LRMDA: variants seen among roughly 807,000 people sequenced by gnomAD.
The protein encoded by LRMDA is leucine rich melanocyte differentiation associated.
In LRMDA, 18 loss-of-function variants were observed where a neutral mutation model predicts 29.8. The observed-to-expected ratio is 0.60, with a 90% CI of 0.42 to 0.90. LRMDA has a LOEUF of 0.90. LRMDA is among the 40% of genes least tolerant of loss of function. LRMDA has a pLI of 0.00. For synonymous variants in LRMDA, 125 were observed against 109.4 expected (o/e 1.14, Z -0.89); for missense variants, 273 against 273.9 (o/e 1.00, Z 0.02).
At chr10:76,536,140 AATACTTCGGC>A (rs1341885123) in intron 6 of LRMDA, among the ~76,000 whole-genome samples, 1 of 152,114 alleles carries the variant, frequency 6.6e-6, no homozygotes, top group African/African-American at 2.4e-5. Context: ...TTCATCCCTC[AATACTTCGGC>A]ATGGGTCTCC....
At chr10:75,633,863 T>C (rs1479870141) in intron 2 of LRMDA, among the ~76,000 whole-genome samples, 2 of 152,164 alleles carry the variant, frequency 1.3e-5, no homozygotes, top group Non-Finnish European at 2.9e-5. Flanking sequence ...GGAATATGGG[T>C]GAGAAAGCAA....
intron 6 of LRMDA, among the ~76,000 whole-genome samples, chr10:76,513,078 C>T (rs557669243): frequency 2.6e-5 from 4 of 152,192 alleles, no homozygotes; most frequent in African/African-American, 7.2e-5. Context: ...TATGGTAACT[C>T]TTTATTACAT....
chr10:75,633,475 AC>A (rs1841353236), intron 2 of LRMDA, among the ~76,000 whole-genome samples: 2 of 152,218 alleles, frequency 1.3e-5, no homozygotes, highest in Non-Finnish European at 1.5e-5. Context: ...ACTGTCAAAT[AC>A]ATAATTAACA....
At chr10:75,897,044 A>G (rs1845595651) in intron 2 of LRMDA, among the ~76,000 whole-genome samples, 1 of 152,134 alleles carries the variant, frequency 6.6e-6, no homozygotes, top group Non-Finnish European at 1.5e-5. Flanking sequence ...CTGGTTATAA[A>G]TCTCTGAAAT....
intron 2 of LRMDA, among the ~76,000 whole-genome samples, chr10:75,861,240 G>T (rs746328223): frequency 5.9e-5 from 9 of 152,240 alleles, no homozygotes; most frequent in Non-Finnish European, 1.0e-4. Flanking sequence ...AGCCCATGGG[G>T]TTATTACAGT....
chr10:76,343,318 A>G (rs776360437), intron 6 of LRMDA, among the ~76,000 whole-genome samples: 1 of 152,250 alleles, frequency 6.6e-6, no homozygotes, highest in Non-Finnish European at 1.5e-5. Flanking sequence ...TAAGGATTAC[A>G]GAGAAAATAA....
rs1589147119 is a variant in LRMDA at position 75,652,450 on chromosome 10, C to T, written c.131+213956C>T. ...GCAGATAAACTTAGTTGGGAACTAG[C>T]TGTTTTTCTGACTATATCACAGTGC... On this transcript the variant is annotated intron_variant, in intron 2 of 6. Coordinates refer to ENST00000611255, the MANE Select transcript of LRMDA (RefSeq NM_001305581.2). Among the ~76,000 whole-genome samples, 5 of 152,236 alleles carry T rather than the reference C, an allele frequency of 3.3e-5. No homozygotes were observed. The East Asian group carries it at 9.6e-4, about 29-fold the overall frequency.
At chr10:75,968,679 A>C (rs1408063185) in intron 2 of LRMDA, among the ~76,000 whole-genome samples, 1 of 152,228 alleles carries the variant, frequency 6.6e-6, no homozygotes, top group Non-Finnish European at 1.5e-5. Flanking sequence ...TGGGGAAATA[A>C]GGGCCAAATT....
chr10:76,291,899 T>C (rs749073238), intron 5 of LRMDA, among the ~76,000 whole-genome samples: 13 of 146,078 alleles, frequency 8.9e-5, no homozygotes, highest in Non-Finnish European at 1.3e-4. Flanking sequence ...AGATTATATA[T>C]ACACCCACAC....
rs61860533 is a variant in LRMDA at position 75,644,609 on chromosome 10, G to A, written c.131+206115G>A. The stretch of plus-strand genomic sequence containing the variant: ...ACAGTCACAGCAGGGTGGCTGAGCC[G>A]GCTGGGTTGTGGGTCCAGGGAAGGA... On this transcript the variant is annotated intron_variant, in intron 2 of 6. Transcript: ENST00000611255. 9.3e-3 allele frequency among the ~76,000 whole-genome samples: 1,419 copies of A among 152,240 alleles called. 9 individuals are homozygous for A. The highest frequency in any genetic ancestry group is 0.016 in the Non-Finnish European group (1,093 of 68,014).
intron 6 of LRMDA, among the ~76,000 whole-genome samples, chr10:76,418,570 C>G (rs1842042450): frequency 6.6e-6 from 1 of 151,812 alleles, no homozygotes. Context: ...ACACAAATCT[C>G]CCTGTAATAA....
intron 3 of LRMDA, among the ~76,000 whole-genome samples, 176 bp from the exon 4 acceptor site, chr10:76,046,988 T>C (rs1848449593): frequency 6.6e-6 from 1 of 152,226 alleles, no homozygotes; most frequent in Non-Finnish European, 1.5e-5. Context: ...TGGGCTGTGT[T>C]CCCAACAGTG....
chr10:75,835,257 C>A (rs947192479), intron 2 of LRMDA, among the ~76,000 whole-genome samples: 1 of 152,184 alleles, frequency 6.6e-6, no homozygotes, highest in African/African-American at 2.4e-5. Context: ...TGTCTAGCAA[C>A]CACCTGTATT....
chr10:76,006,983 C>CGTGTGTGTGTGTGTGTGTGTGTGTGTGT (rs572881040), intron 2 of LRMDA, among the ~76,000 whole-genome samples: 23 of 116,202 alleles, frequency 2.0e-4, no homozygotes, highest in African/African-American at 5.4e-4. Flanking sequence ...ATGGAGAAGG[C>CGTGTGTGTGTGTGTGTGTGTGTGTGTGT]GTGTGTGTGT....
At chr10:76,018,479 A>G (rs1847915166) in intron 2 of LRMDA, among the ~76,000 whole-genome samples, 1 of 151,930 alleles carries the variant, frequency 6.6e-6, no homozygotes, top group South Asian at 2.1e-4. Flanking sequence ...GACATGTCGT[A>G]TTAGGAAGGG....
At chr10:75,844,570 C>T (rs1844599857) in intron 2 of LRMDA, among the ~76,000 whole-genome samples, 2 of 152,316 alleles carry the variant, frequency 1.3e-5, no homozygotes, top group African/African-American at 4.8e-5. Flanking sequence ...TCTCGAAACA[C>T]AGGCACAGTG....
At position 76,486,280 on chromosome 10, in the gene LRMDA, A is replaced by G. The variant is rs542630857; in HGVS notation, c.602-70929A>G. 3.9e-5 allele frequency among the ~76,000 whole-genome samples: 6 copies of G among 152,040 alleles called. No homozygotes were observed. In the East Asian group the frequency reaches 9.7e-4, roughly 25 times the overall value. On this transcript the variant is annotated intron_variant, in intron 6 of 6. Transcript: ENST00000611255. ...TCTGTAGGTGGTAATTCCAATGTCA[A>G]TTAAGTTTGCACAGCCTTTTCTATA...
intron 2 of LRMDA, among the ~76,000 whole-genome samples, chr10:75,830,466 A>T (rs1307322969): frequency 6.6e-6 from 1 of 151,164 alleles, no homozygotes; most frequent in African/African-American, 2.5e-5. Context: ...TTACAGTTCC[A>T]TGTTGCTGGG....
chr10:76,000,029 T>C (rs1847534146), intron 2 of LRMDA, among the ~76,000 whole-genome samples: 1 of 152,106 alleles, frequency 6.6e-6, no homozygotes, highest in South Asian at 2.1e-4. Context: ...AATTTGTCTG[T>C]CAAAAAAAAG....
Sources: allele counts gnomAD v4.1 joint callset (sites outside exome capture counted in the v4.1 genomes callset), GRCh38; gene constraint gnomAD v4.1.1; transcripts MANE v1.5; gene names NCBI Gene and HGNC (gene_info 2026-07-23, HGNC 2026-07-21).